Variants in TYW1B observed in about 807,000 individuals in gnomAD.
TYW1B encodes tRNA-yW synthesizing protein 1 homolog B, also known as S-adenosyl-L-methionine-dependent tRNA 4-demethylwyosine synthase TYW1B.
In TYW1B, 73 loss-of-function variants were observed where a neutral mutation model predicts 86.9. The ratio of observed to expected loss-of-function variants is 0.84; its 90% CI spans 0.70 to 1.02. The LOEUF (loss-of-function observed/expected upper bound fraction) is 1.02. Ranked by LOEUF, TYW1B falls within the 50% of genes least tolerant of loss-of-function variation. The pLI is 0.00. For missense variants in TYW1B, 637 were observed against 827.4 expected (o/e 0.77, Z 2.82); for synonymous variants, 248 against 292.8 (o/e 0.85, Z 1.56).
rs1173852827 is a variant in TYW1B, at chr7:72,602,163, A to G, written c.1785+14509T>C. On this transcript the variant is annotated intron_variant, in intron 13 of 13. Transcript: ENST00000620995. ...CTGAAGGGCATAGAGGGGGAAAGAC[A>G]CTGACCTAAGTCATTTTGGAAACGG... 5.9e-5 allele frequency among the ~76,000 whole-genome samples: 9 copies of G among 152,328 alleles called. No homozygotes were observed. The East Asian group carries it at 1.7e-3, about 29-fold the overall frequency.
intron 6 of TYW1B, among the ~76,000 whole-genome samples, chr7:72,786,573 CTTTTTTT>C (rs10630508): frequency 2.8e-5 from 3 of 107,454 alleles, no homozygotes; most frequent in Non-Finnish European, 3.9e-5. Context: ...ATTCTTTTTT[CTTTTTTT>C]TTTTTTTTTT....
chr7:72,787,111 A>T (rs1788142251), intron 6 of TYW1B, among the ~76,000 whole-genome samples: 1 of 152,120 alleles, frequency 6.6e-6, no homozygotes, highest in African/African-American at 2.4e-5. Context: ...AGTGTTAATT[A>T]TAAGAGCAGA....
At chr7:72,795,009 AG>A (rs1176043575) in intron 6 of TYW1B, among the ~76,000 whole-genome samples, 10 of 151,812 alleles carry the variant, frequency 6.6e-5, no homozygotes, top group African/African-American at 2.4e-4. Flanking sequence ...TGGTAGAGAC[AG>A]GGTTTTGCCA....
At chr7:72,767,928 G>C (rs771541010) in intron 7 of TYW1B, among the ~76,000 whole-genome samples, 1 of 152,072 alleles carries the variant, frequency 6.6e-6, no homozygotes, top group East Asian at 1.9e-4. Flanking sequence ...AATTCAAGAC[G>C]AATCACAGGC....
intron 2 of TYW1B, among the ~76,000 whole-genome samples, chr7:72,820,510 G>C (rs533101804): frequency 1.3e-5 from 2 of 152,196 alleles, no homozygotes; most frequent in Non-Finnish European, 2.9e-5. Context: ...AAAAGTTCAA[G>C]ATTGGACATC....
intron 11 of TYW1B, among the ~76,000 whole-genome samples, chr7:72,631,317 A>G (rs1812484279): frequency 6.6e-6 from 1 of 152,172 alleles, no homozygotes; most frequent in Admixed American, 6.5e-5. Flanking sequence ...GTTCGAGGCC[A>G]GCCTGGTCAA....
At chr7:72,616,590 G>T (rs1345261380) in intron 13 of TYW1B, 82 bp downstream of exon 13, 1 of 1,606,760 alleles carries the variant, frequency 6.2e-7, no homozygotes, top group African/African-American at 1.3e-5. Context: ...CTATAACAAC[G>T]TAAGAGGAAA....
At chr7:72,667,397 T>C (rs1243703109) in intron 11 of TYW1B, among the ~76,000 whole-genome samples, 1 of 152,130 alleles carries the variant, frequency 6.6e-6, no homozygotes, top group African/African-American at 2.4e-5. Flanking sequence ...AAGACTGCTG[T>C]GCTGTAGGAA....
Position 72,632,285 on chromosome 7 carries a change from G to GTATATATATATATATAT in TYW1B, c.1507-3289_1507-3288insATATATATATATATATA, listed in dbSNP as rs1239640717. 8.4e-5 allele frequency among the ~76,000 whole-genome samples: 7 copies of GTATATATATATATATAT among 83,542 alleles called. No individual in the cohort carries two copies. The East Asian group carries it at 9.1e-4, about 11-fold the overall frequency. 54.8% of individuals were successfully genotyped at this position (83,542 alleles called of 152,430 possible). A position where few individuals can be genotyped will look rare whatever the true frequency, so the allele number is the denominator to read the frequency against. The stretch of plus-strand genomic sequence containing the variant: ...AAAAAATATATATATATATATACGT[G>GTATATATATATATATAT]TATATATATATATACGTGTATATAT... On this transcript the variant is annotated intron_variant, in intron 11 of 13. Coordinates refer to ENST00000620995, the MANE Select transcript of TYW1B (RefSeq NM_001145440.3).
At chr7:72,823,956 A>T (rs185097934) in intron 2 of TYW1B, among the ~76,000 whole-genome samples, 1 of 152,104 alleles carries the variant, frequency 6.6e-6, no homozygotes. Context: ...GATCTTTTTG[A>T]TCATTTTTTT....
At chr7:72,685,840 C>A (rs1476298244) in intron 11 of TYW1B, among the ~76,000 whole-genome samples, 1 of 151,942 alleles carries the variant, frequency 6.6e-6, no homozygotes, top group Non-Finnish European at 1.5e-5. Flanking sequence ...GAAGACACTG[C>A]CAAGAGATGA....
intron 11 of TYW1B, among the ~76,000 whole-genome samples, chr7:72,663,481 G>A (rs1285931332): frequency 4.6e-5 from 7 of 151,900 alleles, no homozygotes; most frequent in African/African-American, 7.3e-5. Context: ...TTCAAAAGCC[G>A]GGCACGGTGG....
At chr7:72,798,749 C>T (rs1320290724) in intron 6 of TYW1B, among the ~76,000 whole-genome samples, 1 of 152,130 alleles carries the variant, frequency 6.6e-6, no homozygotes, top group Non-Finnish European at 1.5e-5. Context: ...GGTATGAGTG[C>T]CTGTTTACTC....
intron 11 of TYW1B, among the ~76,000 whole-genome samples, chr7:72,648,757 G>C (rs376829223): frequency 2.0e-5 from 3 of 152,204 alleles, no homozygotes; most frequent in East Asian, 1.9e-4. Context: ...CCGGCAACTT[G>C]GTTAGTGTGC....
At chr7:72,804,812 G>A (rs1218283435) in intron 5 of TYW1B, among the ~76,000 whole-genome samples, 5 of 152,168 alleles carry the variant, frequency 3.3e-5, no homozygotes, top group Non-Finnish European at 4.4e-5. Context: ...CTCCAGCCTG[G>A]GGGACAGACT....
At chr7:72,707,559 T>G (rs1431825094) in intron 10 of TYW1B, among the ~76,000 whole-genome samples, 8 of 152,246 alleles carry the variant, frequency 5.3e-5, no homozygotes, top group African/African-American at 1.9e-4. Flanking sequence ...ACATGAAGTG[T>G]GTTACACATT....
chr7:72,648,316 G>T (rs1414208542), intron 11 of TYW1B, among the ~76,000 whole-genome samples: 3 of 151,968 alleles, frequency 2.0e-5, no homozygotes, highest in African/African-American at 4.8e-5. Flanking sequence ...ACTAAGGTGG[G>T]CAGATCATCT....
intron 6 of TYW1B, among the ~76,000 whole-genome samples, chr7:72,784,623 G>A (rs1324330436): frequency 3.3e-5 from 5 of 152,088 alleles, no homozygotes; most frequent in Non-Finnish European, 5.9e-5. Flanking sequence ...TCAGTCTCCC[G>A]AGTAGCTGGG....
intron 12 of TYW1B, among the ~76,000 whole-genome samples, chr7:72,622,019 A>G (rs1263754639): frequency 6.6e-6 from 1 of 152,248 alleles, no homozygotes; most frequent in Non-Finnish European, 1.5e-5. Flanking sequence ...TCATTTGACA[A>G]CAAATAATTA....
Sources: allele counts gnomAD v4.1 joint callset (sites outside exome capture counted in the v4.1 genomes callset), GRCh38; gene constraint gnomAD v4.1.1; transcripts MANE v1.5; gene names NCBI Gene and HGNC (gene_info 2026-07-23, HGNC 2026-07-21).